The following GPR176 variants were observed in gnomAD, a reference collection of about 807,000 sequenced individuals.
GPR176 encodes G-protein coupled receptor 176.
Under a neutral mutation model 35.4 loss-of-function variants are expected in GPR176, and 26 were observed. That is an observed-to-expected ratio of 0.74 (90% CI 0.54 to 1.02). The LOEUF is 1.02. Among genes scored for constraint, GPR176 ranks in the 50% least tolerant of loss-of-function variants. GPR176 has a pLI of 0.00. For missense variants in GPR176, 597 were observed against 665.3 expected (o/e 0.90, Z 1.13); for synonymous variants, 278 against 271.3 (o/e 1.02, Z -0.24).
In GPR176 at chr15:39,884,377, T is replaced by C. The variant is rs189619895; in HGVS notation, c.172+35478A>G. On this transcript the variant is annotated intron_variant, in intron 1 of 2. Transcript: ENST00000561100. ...TCTATGTAATAAGCTAAACTGTCCATTGAATTATACTATGATTAAACACAC... is the reference window on the plus strand; with the variant it reads ...TCTATGTAATAAGCTAAACTGTCCACTGAATTATACTATGATTAAACACAC... Among the ~76,000 whole-genome samples the C allele has an allele frequency of 1.1e-4, 16 of 151,162 alleles. No individual in the cohort carries two copies. In the East Asian group the frequency reaches 2.9e-3, roughly 27 times the overall value.
intron 1 of GPR176, chr15:39,862,489 T>G (rs560329156): frequency 6.6e-6 from 1 of 152,324 alleles, no homozygotes; most frequent in East Asian, 1.9e-4. Flanking sequence ...ACAGTTAGTT[T>G]CAGGTCACAC....
intron 1 of GPR176, among the ~76,000 whole-genome samples, chr15:39,900,014 G>GT (rs1202730883): frequency 1.3e-5 from 2 of 152,100 alleles, no homozygotes; most frequent in East Asian, 3.9e-4. Flanking sequence ...TACAAAGGTA[G>GT]TATCACTTAG....
At chr15:39,897,105 G>A (rs1026701441) in intron 1 of GPR176, among the ~76,000 whole-genome samples, 2 of 152,184 alleles carry the variant, frequency 1.3e-5, no homozygotes, top group African/African-American at 4.8e-5. Flanking sequence ...CAGGAAATCA[G>A]TAATGAGAAA....
intron 1 of GPR176, among the ~76,000 whole-genome samples, chr15:39,864,387 T>C (rs141418249): frequency 2.0e-5 from 3 of 152,254 alleles, no homozygotes; most frequent in African/African-American, 7.2e-5. Flanking sequence ...GAATATACAC[T>C]GGGGAAAGGA....
chr15:39,902,545 G>A (rs1455680950), intron 1 of GPR176, among the ~76,000 whole-genome samples: 1 of 152,126 alleles, frequency 6.6e-6, no homozygotes, highest in Non-Finnish European at 1.5e-5. Flanking sequence ...GCAACCTTGG[G>A]AGCAGGCCAC....
chr15:39,850,472 T>C (rs989298949), intron 1 of GPR176, among the ~76,000 whole-genome samples: 1 of 152,118 alleles, frequency 6.6e-6, no homozygotes, highest in Non-Finnish European at 1.5e-5. Flanking sequence ...CACATACATA[T>C]GGTATGATTC....
chr15:39,910,484 G>A (rs761994854), intron 1 of GPR176, among the ~76,000 whole-genome samples: 4 of 151,940 alleles, frequency 2.6e-5, no homozygotes, highest in Non-Finnish European at 2.9e-5. Context: ...CTTGAACCTT[G>A]GAGGGGGAGG....
chr15:39,887,295 G>T (rs764389679), intron 1 of GPR176, among the ~76,000 whole-genome samples: 2 of 152,156 alleles, frequency 1.3e-5, no homozygotes. Flanking sequence ...GCACAGTCAA[G>T]AATTAAATTC....
intron 1 of GPR176, among the ~76,000 whole-genome samples, chr15:39,885,190 C>G (rs1168481673): frequency 1.3e-5 from 2 of 152,182 alleles, no homozygotes; most frequent in African/African-American, 4.8e-5. Context: ...TAGCAACAAC[C>G]TCAAAGAGCA....
At chr15:39,912,961 A>T (rs1396200074) in intron 1 of GPR176, among the ~76,000 whole-genome samples, 2 of 152,218 alleles carry the variant, frequency 1.3e-5, no homozygotes, top group Non-Finnish European at 2.9e-5. Context: ...CTAGGTATAT[A>T]CTCAAGAGAA....
At chr15:39,818,674 C>G (rs772703815) in intron 1 of GPR176, among the ~76,000 whole-genome samples, 1 of 152,176 alleles carries the variant, frequency 6.6e-6, no homozygotes, top group Non-Finnish European at 1.5e-5. Context: ...ACGATCAAAA[C>G]AAAACTATTT....
At chr15:39,876,117 C>CTCCAGCCTGGGTGA (rs2032236703) in intron 1 of GPR176, among the ~76,000 whole-genome samples, 1 of 151,892 alleles carries the variant, frequency 6.6e-6, no homozygotes, top group African/African-American at 2.4e-5. Flanking sequence ...TGCCACTGCA[C>CTCCAGCCTGGGTGA]TCCAGCCTGG....
intron 1 of GPR176, among the ~76,000 whole-genome samples, chr15:39,836,951 G>A (rs975254834): frequency 6.6e-6 from 1 of 152,050 alleles, no homozygotes; most frequent in Non-Finnish European, 1.5e-5. Context: ...TCCTATATAT[G>A]GGGACATCTG....
At chr15:39,862,979 G>A (rs2031668597) in intron 1 of GPR176, among the ~76,000 whole-genome samples, 2 of 152,204 alleles carry the variant, frequency 1.3e-5, no homozygotes, top group African/African-American at 2.4e-5. Flanking sequence ...GGGACAAGAT[G>A]TGGTGGTAGA....
intron 1 of GPR176, among the ~76,000 whole-genome samples, chr15:39,893,182 T>C (rs2032938526): frequency 6.6e-6 from 1 of 152,178 alleles, no homozygotes; most frequent in South Asian, 2.1e-4. Context: ...AGGACAATAG[T>C]GGAGGGAAGG....
intron 2 of GPR176, among the ~76,000 whole-genome samples, chr15:39,803,330 AG>A (rs1899005057): frequency 8.3e-6 from 1 of 120,002 alleles, no homozygotes; most frequent in Non-Finnish European, 1.6e-5. Flanking sequence ...CCCAGGCTGG[AG>A]TATAGTGGCA....
At chr15:39,904,005 G>A (rs569598090) in intron 1 of GPR176, among the ~76,000 whole-genome samples, 3 of 152,116 alleles carry the variant, frequency 2.0e-5, no homozygotes, top group African/African-American at 7.2e-5. Flanking sequence ...ACAAGGGGTG[G>A]GTTATTCATG....
intron 1 of GPR176, among the ~76,000 whole-genome samples, chr15:39,839,932 A>G (rs1014713388): frequency 1.3e-5 from 2 of 152,220 alleles, no homozygotes; most frequent in African/African-American, 4.8e-5. Context: ...CCACAATGAG[A>G]TACTATCTCA....
chr15:39,810,766 A>G (rs1353410498), intron 1 of GPR176, among the ~76,000 whole-genome samples: 1 of 152,236 alleles, frequency 6.6e-6, no homozygotes, highest in Non-Finnish European at 1.5e-5. Context: ...AGACTGTGCC[A>G]AGAGGGAGGC....
Sources: gnomAD v4.1 joint callset for allele counts (sites outside exome capture counted in the v4.1 genomes callset) on GRCh38, gnomAD v4.1.1 for gene constraint, MANE v1.5 for transcripts, NCBI Gene and HGNC (gene_info 2026-07-23, HGNC 2026-07-21) for gene names.